The following MSRA variants were observed in gnomAD, a reference collection of about 807,000 sequenced individuals.
MSRA encodes the protein mitochondrial peptide methionine sulfoxide reductase.
In MSRA, 54 loss-of-function variants were observed where a neutral mutation model predicts 31.3. That is an observed-to-expected ratio of 1.73 (90% CI 1.39 to 2.17). The LOEUF is 2.17. MSRA is among the 30% of genes most tolerant of loss of function. MSRA has a pLI of 0.00. For synonymous variants in MSRA, 169 were observed against 116.5 expected (o/e 1.45, Z -2.90); for missense variants, 507 against 300.9 (o/e 1.69, Z -5.07).
At chr8:10,363,295 G>A (rs1222122434) in intron 5 of MSRA, among the ~76,000 whole-genome samples, 1 of 152,192 alleles carries the variant, frequency 6.6e-6, no homozygotes, top group African/African-American at 2.4e-5. Flanking sequence ...GCCATGTCAG[G>A]CGTGCTTTTC....
At chr8:10,293,770 C>T (rs541657699) in intron 3 of MSRA, among the ~76,000 whole-genome samples, 35 of 152,088 alleles carry the variant, frequency 2.3e-4, no homozygotes, top group Non-Finnish European at 4.1e-4. Context: ...TCTCTTCCTC[C>T]TTGCCCTCTG....
chr8:10,082,056 A>G (rs1049559188), intron 1 of MSRA, among the ~76,000 whole-genome samples: 2 of 152,006 alleles, frequency 1.3e-5, no homozygotes, highest in African/African-American at 4.8e-5. Flanking sequence ...ATATTATGCA[A>G]TTTCCTTGGT....
At chr8:10,300,849 C>A (rs1285320223) in intron 3 of MSRA, among the ~76,000 whole-genome samples, 1 of 152,106 alleles carries the variant, frequency 6.6e-6, no homozygotes, top group East Asian at 1.9e-4. Context: ...CAAATACCCA[C>A]CCCTGATCCA....
rs28430316 is a variant in MSRA at position 10,161,095 on chromosome 8, G to T, written c.143-46738G>T. On this transcript the variant is annotated intron_variant, in intron 1 of 5. Coordinates refer to ENST00000317173, the MANE Select transcript of MSRA (RefSeq NM_012331.5). ...GATTATGAACACACAATATTATCAA[G>T]CTTCCAGATATCCACTTTCTAAATA... 2.9e-3 allele frequency among the ~76,000 whole-genome samples: 438 copies of T among 152,284 alleles called. 2 individuals are homozygous for T. Among genetic ancestry groups the T allele is most frequent in the African/African-American group, 9.7e-3 (404 of 41,554 alleles).
At chr8:10,213,808 C>G (rs114116331) in intron 2 of MSRA, among the ~76,000 whole-genome samples, 2 of 152,002 alleles carry the variant, frequency 1.3e-5, no homozygotes, top group African/African-American at 4.8e-5. Flanking sequence ...GAGGTCTCTT[C>G]GATACACTGA....
intron 1 of MSRA, among the ~76,000 whole-genome samples, chr8:10,091,769 G>A (rs111459470): frequency 2.3e-4 from 35 of 152,168 alleles, no homozygotes; most frequent in African/African-American, 6.0e-4. Flanking sequence ...ACCACACCCC[G>A]CTAATTTTTG....
chr8:10,227,373 T>A (rs958007610), intron 2 of MSRA, among the ~76,000 whole-genome samples: 2 of 152,160 alleles, frequency 1.3e-5, no homozygotes, highest in African/African-American at 4.8e-5. Context: ...TCATTAGATC[T>A]GTGAAGGGGA....
At chr8:10,348,579 A>T (rs1803935911) in intron 5 of MSRA, among the ~76,000 whole-genome samples, 1 of 151,938 alleles carries the variant, frequency 6.6e-6, no homozygotes, top group South Asian at 2.1e-4. Context: ...CGTGTTGGCC[A>T]GGATGGTCTT....
At chr8:10,142,774 G>T (rs1802823490) in intron 1 of MSRA, among the ~76,000 whole-genome samples, 1 of 152,212 alleles carries the variant, frequency 6.6e-6, no homozygotes. Flanking sequence ...AACTGCCAAA[G>T]TCAGTTGCGA....
chr8:10,091,455 G>A (rs954997455), intron 1 of MSRA, among the ~76,000 whole-genome samples: 4 of 151,970 alleles, frequency 2.6e-5, no homozygotes, highest in Non-Finnish European at 5.9e-5. Context: ...TATTTTCCTC[G>A]TTTATCTGTT....
chr8:10,339,915 G>C (rs571656144), intron 5 of MSRA, among the ~76,000 whole-genome samples: 19 of 152,086 alleles, frequency 1.2e-4, no homozygotes, highest in Non-Finnish European at 2.8e-4. Flanking sequence ...TGCCCTTCTA[G>C]GCTGTTCTCA....
intron 1 of MSRA, among the ~76,000 whole-genome samples, chr8:10,191,557 A>G (rs1807505901): frequency 6.6e-6 from 1 of 152,220 alleles, no homozygotes; most frequent in Non-Finnish European, 1.5e-5. Context: ...TTGATATCTT[A>G]CACTCTATTC....
chr8:10,319,317 A>G (rs899748577), intron 4 of MSRA, among the ~76,000 whole-genome samples: 5 of 152,130 alleles, frequency 3.3e-5, no homozygotes, highest in South Asian at 2.1e-4. Context: ...GAAACTGACT[A>G]TCATCCACCC....
At chr8:10,118,984 G>T (rs188365471) in intron 1 of MSRA, among the ~76,000 whole-genome samples, 2 of 152,222 alleles carry the variant, frequency 1.3e-5, no homozygotes, top group South Asian at 2.1e-4. Flanking sequence ...TGATCTCAGC[G>T]TTCATGAAGG....
intron 5 of MSRA, among the ~76,000 whole-genome samples, chr8:10,381,098 A>G (rs1163085912): frequency 1.3e-5 from 2 of 152,112 alleles, no homozygotes; most frequent in African/African-American, 4.8e-5. Flanking sequence ...ATCTATTCCT[A>G]TGCTTCTGTG....
At chr8:10,152,273 A>G (rs191823820) in intron 1 of MSRA, among the ~76,000 whole-genome samples, 4 of 152,370 alleles carry the variant, frequency 2.6e-5, no homozygotes, top group Non-Finnish European at 4.4e-5. Flanking sequence ...ATACGTATGT[A>G]TATATAAATA....
intron 3 of MSRA, among the ~76,000 whole-genome samples, chr8:10,252,132 C>T (rs937793363): frequency 6.6e-6 from 1 of 152,192 alleles, no homozygotes; most frequent in Non-Finnish European, 1.5e-5. Context: ...TGTTGGGAAA[C>T]CTCCAAGACT....
intron 5 of MSRA, among the ~76,000 whole-genome samples, chr8:10,363,502 C>T (rs559096725): frequency 6.6e-6 from 1 of 152,188 alleles, no homozygotes; most frequent in Admixed American, 6.5e-5. Flanking sequence ...CCCTCCAGGC[C>T]CTACCGTGCC....
chr8:10,227,663 C>G (rs1183379432), intron 2 of MSRA, among the ~76,000 whole-genome samples: 1 of 152,078 alleles, frequency 6.6e-6, no homozygotes, highest in Non-Finnish European at 1.5e-5. Flanking sequence ...TGTACACGTG[C>G]ATATGAGCAC....
Sources: allele counts gnomAD v4.1 joint callset (sites outside exome capture counted in the v4.1 genomes callset), GRCh38; gene constraint gnomAD v4.1.1; transcripts MANE v1.5; gene names NCBI Gene and HGNC (gene_info 2026-07-23, HGNC 2026-07-21).